Variants in VPS13A observed in about 807,000 individuals in gnomAD.
VPS13A encodes the protein vacuolar protein sorting 13 homolog A, also known as intermembrane lipid transfer protein VPS13A.
Under a neutral mutation model 390.9 loss-of-function variants are expected in VPS13A, and 264 were observed. That is an observed-to-expected ratio of 0.68 (90% CI 0.61 to 0.75). The LOEUF (loss-of-function observed/expected upper bound fraction) is 0.75. Among genes scored for constraint, VPS13A ranks in the 30% least tolerant of loss-of-function variants. The pLI is 0.00. For missense variants in VPS13A, 3,409 were observed against 3,733.9 expected (o/e 0.91, Z 2.27); for synonymous variants, 1,231 against 1,227.1 (o/e 1.00, Z -0.07).
chr9:77,340,878 A>G (rs1830771260), intron 50 of VPS13A, among the ~76,000 whole-genome samples: 1 of 152,164 alleles, frequency 6.6e-6, no homozygotes, highest in Admixed American at 6.5e-5. Flanking sequence ...CTAGGAAGCT[A>G]TTAGGAATGC....
intron 31 of VPS13A, among the ~76,000 whole-genome samples, chr9:77,287,599 G>T (rs1282318521): frequency 6.6e-6 from 1 of 152,180 alleles, no homozygotes; most frequent in Non-Finnish European, 1.5e-5. Context: ...AGTGATATGT[G>T]CTTTGAAAAC....
chr9:77,312,423 A>ATTTT (rs200809406), intron 35 of VPS13A, among the ~76,000 whole-genome samples: 2 of 146,630 alleles, frequency 1.4e-5, no homozygotes, highest in African/African-American at 2.5e-5. Flanking sequence ...TGTTCATATA[A>ATTTT]TTTTTTTTTT....
chr9:77,254,960 T>C (rs1243163115), intron 22 of VPS13A, among the ~76,000 whole-genome samples: 1 of 152,154 alleles, frequency 6.6e-6, no homozygotes, highest in Non-Finnish European at 1.5e-5. Context: ...TTTTTTCCCT[T>C]TCTGATATGG....
intron 25 of VPS13A, 138 bp downstream of exon 25, chr9:77,275,790 T>G: frequency 9.3e-7 from 1 of 1,078,280 alleles, no homozygotes; most frequent in South Asian, 1.5e-5. Flanking sequence ...TGTGTGATTC[T>G]TGGTCACTCC....
At chr9:77,379,491 T>G (rs1833314418) in intron 67 of VPS13A, among the ~76,000 whole-genome samples, 1 of 152,030 alleles carries the variant, frequency 6.6e-6, no homozygotes. Flanking sequence ...CTGCCCGCCT[T>G]GGCCTCCCGA....
intron 68 of VPS13A, among the ~76,000 whole-genome samples, chr9:77,395,100 G>A (rs557638459): frequency 1.3e-5 from 2 of 150,878 alleles, no homozygotes; most frequent in East Asian, 1.9e-4. Flanking sequence ...AAGATTGGCT[G>A]TTTGGTACAA....
At chr9:77,410,773 G>A (rs1450004327) in intron 71 of VPS13A, among the ~76,000 whole-genome samples, 1 of 152,096 alleles carries the variant, frequency 6.6e-6, no homozygotes, top group Admixed American at 6.5e-5. Context: ...ACCCAATACA[G>A]GAGCACCCAG....
At chr9:77,376,652 T>G (rs1215369403) in intron 67 of VPS13A, among the ~76,000 whole-genome samples, 1 of 152,210 alleles carries the variant, frequency 6.6e-6, no homozygotes, top group Non-Finnish European at 1.5e-5. Context: ...CATTTCCTTT[T>G]GAATATATTA....
At chr9:77,302,886 A>G (rs1189892839) in intron 33 of VPS13A, 29 bp from the exon 34 acceptor site, 5 of 1,602,624 alleles carry the variant, frequency 3.1e-6, no homozygotes, top group East Asian at 2.2e-5. Flanking sequence ...ATATGAAACA[A>G]TTTAAAAGAA....
intron 69 of VPS13A, among the ~76,000 whole-genome samples, chr9:77,405,622 T>C (rs1834565402): frequency 6.6e-6 from 1 of 152,234 alleles, no homozygotes; most frequent in East Asian, 1.9e-4. Flanking sequence ...TATTTGGAAG[T>C]GTTACTTTTA....
rs1362676396 is a variant in VPS13A at position 77,365,394 on chromosome 9, C to A, written c.8212-66C>A. On this transcript the variant is annotated intron_variant, in intron 59 of 71. Transcript: ENST00000360280. ...TAGAAGAGTTTTGGCAGTGTGTCTT[C>A]TATTTGCTTAAATATCTCATGCAGG... 3.9e-6 allele frequency: 4 copies of A among 1,032,432 alleles called. No homozygotes were observed. The Admixed American group carries it at 5.3e-5, about 14-fold the overall frequency. 64.0% of individuals were successfully genotyped at this position (1,032,432 alleles called of 1,614,324 possible). A position where few individuals can be genotyped will look rare whatever the true frequency, so the allele number is the denominator to read the frequency against.
chr9:77,268,853 T>A (rs912888555), intron 23 of VPS13A, among the ~76,000 whole-genome samples: 3 of 151,060 alleles, frequency 2.0e-5, no homozygotes, highest in Non-Finnish European at 1.5e-5. Context: ...GGTAGGAGAA[T>A]CACTTGAACT....
chr9:77,211,256 A>G (rs1445872009), intron 7 of VPS13A: 4 of 152,150 alleles, frequency 2.6e-5, no homozygotes, highest in African/African-American at 4.8e-5. Context: ...TTTGTTTTCT[A>G]CTTCCACCCA....
At chr9:77,232,663 T>C (rs553415377) in intron 17 of VPS13A, among the ~76,000 whole-genome samples, 2 of 152,262 alleles carry the variant, frequency 1.3e-5, no homozygotes, top group African/African-American at 4.8e-5. Flanking sequence ...AGGAGCAAAG[T>C]CATATCTTAT....
chr9:77,409,829 T>C (rs1323142414), intron 71 of VPS13A, among the ~76,000 whole-genome samples: 3 of 151,278 alleles, frequency 2.0e-5, no homozygotes, highest in Non-Finnish European at 2.9e-5. Context: ...TTGTCATACC[T>C]GAAAGTGATG....
intron 31 of VPS13A, 117 bp downstream of exon 31, chr9:77,283,767 ATGGGTTT>A: frequency 1.2e-6 from 1 of 848,872 alleles, no homozygotes; most frequent in Non-Finnish European, 1.8e-6. Flanking sequence ...TATTATGTGC[ATGGGTTT>A]TGGAGTCAGG....
intron 21 of VPS13A, 145 bp from the exon 22 acceptor site, chr9:77,252,090 A>G (rs1466240166): frequency 5.6e-6 from 4 of 714,348 alleles, no homozygotes; most frequent in Non-Finnish European, 1.0e-5. Context: ...TACTGATTGT[A>G]TGTACCTGAG....
intron 31 of VPS13A, among the ~76,000 whole-genome samples, chr9:77,290,208 G>A (rs1263423521): frequency 6.6e-6 from 1 of 152,118 alleles, no homozygotes; most frequent in Non-Finnish European, 1.5e-5. Flanking sequence ...TTTTTGCTGG[G>A]TTGTGTTTTC....
At chr9:77,399,719 A>C (rs1283370683) in intron 68 of VPS13A, among the ~76,000 whole-genome samples, 5 of 152,228 alleles carry the variant, frequency 3.3e-5, no homozygotes, top group Non-Finnish European at 7.3e-5. Flanking sequence ...TGTAAAATTA[A>C]AAATAAAAGC....
Sources: gnomAD v4.1 joint callset for allele counts (sites outside exome capture counted in the v4.1 genomes callset) on GRCh38, gnomAD v4.1.1 for gene constraint, MANE v1.5 for transcripts, NCBI Gene and HGNC (gene_info 2026-07-23, HGNC 2026-07-21) for gene names.